The following RUNDC3A variants were observed in gnomAD, a reference collection of about 807,000 sequenced individuals.
RUNDC3A encodes RUN domain containing 3A, also known as RUN domain-containing protein 3A.
RUNDC3A carries 28 observed loss-of-function variants against 53.9 expected under a neutral mutation model. The ratio of observed to expected loss-of-function variants is 0.52; its 90% CI spans 0.38 to 0.71. The LOEUF is 0.71. Among genes scored for constraint, RUNDC3A ranks in the 30% least tolerant of loss-of-function variants. RUNDC3A has a pLI of 0.00. For synonymous variants in RUNDC3A, 232 were observed against 249.4 expected (o/e 0.93, Z 0.66); for missense variants, 491 against 597.3 (o/e 0.82, Z 1.85).
rs2047866337 is a variant in RUNDC3A, at chr17:44,316,520, GAGGTAAGCCCCAGCC to G, written c.1091+3_1091+17del. The G allele has an allele frequency of 6.2e-7, 1 of 1,612,130 alleles. No homozygotes were observed. The highest frequency in any genetic ancestry group is 8.5e-7 in the Non-Finnish European group (1 of 1,179,344). ...GCGCCAGCAACTCCAAGCTCTACCGGAGGTAAGCCCCAGCCAGGTGGGGCTTGGGCCTGAGAGCGG... is the reference window on the plus strand; with the variant it reads ...GCGCCAGCAACTCCAAGCTCTACCGGAGGTGGGGCTTGGGCCTGAGAGCGG... On this transcript the variant is annotated splice_donor_variant and splice_donor_5th_base_variant and coding_sequence_variant and intron_variant, in exon 9 of 11. Transcript: ENST00000426726. LOFTEE classifies it high-confidence loss of function.
rs907975243 is a variant in RUNDC3A, at chr17:44,313,868, C to G, written c.458+365C>G. On this transcript the variant is annotated intron_variant, in intron 4 of 10. Transcript: ENST00000426726. The stretch of plus-strand genomic sequence containing the variant: ...AGCTAATTTTGTATTTTTAGTTTCT[C>G]CATGTTGGTCAGGCTGGTCTCAAAC... 3.9e-6 allele frequency: 3 copies of G among 775,096 alleles called. No individual in the cohort carries two copies. In the African/African-American group the frequency reaches 5.7e-5, roughly 15 times the overall value. The allele number at this position is 775,096 out of a possible 1,614,324, so 48.0% of individuals were successfully genotyped here.
At position 44,318,185 on chromosome 17, in the gene RUNDC3A, G is replaced by C; in HGVS notation, c.1288G>C (p.Glu430Gln). Residue 430 changes from glutamate to glutamine, a missense_variant, in exon 11 of 11, where the codon GAG becomes CAG. This residue lies in a region of RUNDC3A where 218 missense variants were observed against 208.2 expected (regional missense o/e 1.05). Transcript: ENST00000426726. ...GTCCCTGGCGAGCTTCAAATCCAACGAGTGCCTGGTGAGCGACAGTCCCGA... is the reference window on the plus strand; with the variant it reads ...GTCCCTGGCGAGCTTCAAATCCAACCAGTGCCTGGTGAGCGACAGTCCCGA... ...CKSLASFKSN[E>Q]CLVSDSPEGS... 1 of 1,551,436 alleles carries C rather than the reference G, an allele frequency of 6.4e-7. No individual in the cohort carries two copies. Among genetic ancestry groups the C allele is most frequent in the Non-Finnish European group, 8.7e-7 (1 of 1,146,992 alleles).
chr17:44,317,508 C>T (rs1419219990), intron 10 of RUNDC3A: 10 of 780,888 alleles, frequency 1.3e-5, no homozygotes, highest in Non-Finnish European at 2.2e-5. Flanking sequence ...AAATTAGTGG[C>T]TCCCTTCGAG....
At chr17:44,317,936 C>A in intron 10 of RUNDC3A, 160 bp from the exon 11 acceptor site, 1 of 669,736 alleles carries the variant, frequency 1.5e-6, no homozygotes, top group Non-Finnish European at 2.6e-6. Flanking sequence ...CTGGCACAGG[C>A]AGGTGCTTAA....
chr17:44,316,092 A>G (rs1598330504), intron 8 of RUNDC3A, among the ~76,000 whole-genome samples: 1 of 151,714 alleles, frequency 6.6e-6, no homozygotes, highest in South Asian at 2.1e-4. Flanking sequence ...AGACGATCTT[A>G]CACTTCAGGG....
chr17:44,312,626 G>C lies in RUNDC3A; in HGVS notation c.154G>C (p.Asp52His). 1 of 1,585,928 alleles carries C rather than the reference G, an allele frequency of 6.3e-7. No homozygotes were observed. The highest frequency in any genetic ancestry group is 8.6e-7 in the Non-Finnish European group (1 of 1,166,504). The change falls in exon 2 of 11, where the codon GAT becomes CAT. Residue 52 changes from aspartate to histidine, a missense_variant. Asp to His is a moderately conservative substitution (Grantham distance 81, BLOSUM62 -1). Transcript: ENST00000426726. ...LLEKYTAEPIDDSSEEFVNFA... is the reference protein window; with the variant it reads ...LLEKYTAEPIHDSSEEFVNFA... ...GGAGAAGTACACAGCGGAGCCCATC[G>C]ATGACTCATCGGAGGAGTTTGTCAA...
chr17:44,313,426 A>T lies in RUNDC3A; in HGVS notation c.381A>T (p.Ala127=). ...GTGAACATGATTTCCAGGGCCGGGCATGGATCCGGGTGGCACTGATGGAGA... is the reference window on the plus strand; with the variant it reads ...GTGAACATGATTTCCAGGGCCGGGCTTGGATCCGGGTGGCACTGATGGAGA... The part of the protein sequence containing the change: ...NISTARAKGR[A]WIRVALMEKR... The change falls in exon 4 of 11, where the codon GCA becomes GCT. Residue 127 remains alanine, a synonymous_variant. Coordinates refer to ENST00000426726, the MANE Select transcript of RUNDC3A (RefSeq NM_001144825.2). 6.2e-7 allele frequency: 1 copy of T among 1,613,984 alleles called. No individual in the cohort carries two copies. Among genetic ancestry groups the T allele is most frequent in the Non-Finnish European group, 8.5e-7 (1 of 1,179,862 alleles).
intron 4 of RUNDC3A, chr17:44,314,352 CCCAG>C: frequency 9.6e-7 from 1 of 1,045,650 alleles, no homozygotes; most frequent in South Asian, 3.5e-5. Context: ...ATTGGCCATA[CCCAG>C]CCTGATGTTT....
At chr17:44,317,883 G>A (rs1225172128) in intron 10 of RUNDC3A, 1 of 595,650 alleles carries the variant, frequency 1.7e-6, no homozygotes, top group Non-Finnish European at 3.0e-6. Context: ...GGGAGACAGA[G>A]ACATCAACTG....
intron 10 of RUNDC3A, chr17:44,317,548 T>G: frequency 1.3e-6 from 1 of 780,870 alleles, no homozygotes; most frequent in Non-Finnish European, 2.4e-6. Context: ...CGCATGCACT[T>G]TGTGTTGACC....
In RUNDC3A at chr17:44,315,114, G is replaced by T. The variant is rs766043225; in HGVS notation, c.630-41G>T. On this transcript the variant is annotated intron_variant, in intron 6 of 10. Transcript: ENST00000426726. The surrounding 1 kb of genome is among the most constrained non-coding windows in gnomAD (Gnocchi z 6.1). ...AGCGGCCAGCGCAGACGCGCGGGGG[G>T]AGGGGCGGGACCGGCCGTGCCCACT... 4.4e-6 allele frequency: 7 copies of T among 1,599,232 alleles called. No individual in the cohort carries two copies. Among genetic ancestry groups the T allele is most frequent in the Non-Finnish European group, 6.0e-6 (7 of 1,172,608 alleles).
chr17:44,316,372 C>T lies in RUNDC3A; in HGVS notation c.954-13C>T, dbSNP rs1293717105. The stretch of plus-strand genomic sequence containing the variant: ...TACTTCCAGCCAGGCCTGACTCCTC[C>T]TCCCCCTCCCAGGACAGGTCTGATC... On this transcript the variant is annotated splice_polypyrimidine_tract_variant and intron_variant, in intron 8 of 10. Coordinates refer to ENST00000426726, the MANE Select transcript of RUNDC3A (RefSeq NM_001144825.2). The T allele has an allele frequency of 1.9e-6, 3 of 1,603,626 alleles. No homozygotes were observed. Among genetic ancestry groups the T allele is most frequent in the Non-Finnish European group, 2.6e-6 (3 of 1,172,138 alleles).
chr17:44,314,267 G>A, intron 4 of RUNDC3A: 3 of 1,009,252 alleles, frequency 3.0e-6, no homozygotes, highest in African/African-American at 1.7e-5. Context: ...GGGTTACAAG[G>A]AGGAGTGTGC....
chr17:44,312,499 C>T (rs368398180), intron 1 of RUNDC3A, 81 bp from the exon 2 acceptor site: 38 of 762,354 alleles, frequency 5.0e-5, no homozygotes, highest in East Asian at 1.3e-4. Context: ...TCTTCTCTGC[C>T]GGTTGCTCCC....
rs1295547304 is a variant in RUNDC3A at position 44,316,431 on chromosome 17, A to G, written c.1000A>G (p.Lys334Glu). The part of the protein sequence containing the change: ...SDHAPLAQGS[K>E]ELTTPLVNQW... ...CCACGCCCCTCTGGCCCAGGGTTCC[A>G]AGGAGCTCACTACACCCCTGGTCAA... Residue 334 changes from lysine to glutamate, a missense_variant, in exon 9 of 11, where the codon AAG becomes GAG. Transcript: ENST00000426726. The G allele has an allele frequency of 3.1e-6, 5 of 1,613,784 alleles. No homozygotes were observed. Among genetic ancestry groups the G allele is most frequent in the Non-Finnish European group, 4.2e-6 (5 of 1,179,836 alleles).
Position 44,314,683 on chromosome 17 carries a change from G to C in RUNDC3A, c.459-52G>C, listed in dbSNP as rs1003846824. 1.4e-4 allele frequency: 174 copies of C among 1,254,490 alleles called. 4 individuals are homozygous for C. The African/African-American group carries it at 1.7e-3, about 12-fold the overall frequency. The allele number at this position is 1,254,490 out of a possible 1,614,324, so 77.7% of individuals were successfully genotyped here. A position where few individuals can be genotyped will look rare whatever the true frequency, so the allele number is the denominator to read the frequency against. ...CCAACAATAGCAGCTCTGGGGGGGGGGGGGGCGCTCCAGGGGCCTGCTGCA... is the reference window on the plus strand; with the variant it reads ...CCAACAATAGCAGCTCTGGGGGGGGCGGGGGCGCTCCAGGGGCCTGCTGCA... On this transcript the variant is annotated intron_variant, in intron 4 of 10. Coordinates refer to ENST00000426726, the MANE Select transcript of RUNDC3A (RefSeq NM_001144825.2).
rs145361191 is a variant in RUNDC3A at position 44,316,915 on chromosome 17, C to T, written c.1198+190C>T. On this transcript the variant is annotated intron_variant, in intron 10 of 10. Coordinates refer to ENST00000426726, the MANE Select transcript of RUNDC3A (RefSeq NM_001144825.2). ...TCAGCTCATTGCAACCTCTGCCTCCCGGGTTCAAGGGATTCCCTTGCCTCA... is the reference window on the plus strand; with the variant it reads ...TCAGCTCATTGCAACCTCTGCCTCCTGGGTTCAAGGGATTCCCTTGCCTCA... 10,054 of 504,678 alleles carry T rather than the reference C, an allele frequency of 0.02. 858 individuals carry two copies. In the East Asian group the frequency reaches 0.22, roughly 11 times the overall value. 31.3% of individuals were successfully genotyped at this position (504,678 alleles called of 1,614,324 possible).
intron 10 of RUNDC3A, chr17:44,317,031 TTTTAGTAGAGACGG>T: frequency 2.4e-6 from 1 of 408,516 alleles, no homozygotes; most frequent in Non-Finnish European, 4.4e-6. Flanking sequence ...ATTTGTGTAT[TTTTAGTAGAGACGG>T]AGTTTCGCCA....
At chr17:44,314,623 G>A in intron 4 of RUNDC3A, 112 bp from the exon 5 acceptor site, 2 of 1,482,436 alleles carry the variant, frequency 1.3e-6, no homozygotes, top group Non-Finnish European at 1.8e-6. Context: ...TCAGGAAGGA[G>A]AATTGGCCTT....
Sources: gnomAD v4.1 joint callset for allele counts (sites outside exome capture counted in the v4.1 genomes callset) on GRCh38, gnomAD v4.1.1 for gene constraint, gnomAD v4.1.1 regional missense constraint, Gnocchi (gnomAD v3.1) non-coding constraint, MANE v1.5 for transcripts, NCBI Gene and HGNC (gene_info 2026-07-23, HGNC 2026-07-21) for gene names.